MYOCD: variants seen among roughly 807,000 people sequenced by gnomAD.
MYOCD encodes the protein myocardin.
MYOCD carries 32 observed loss-of-function variants against 96.1 expected under a neutral mutation model. The observed-to-expected ratio is 0.33, with a 90% CI of 0.25 to 0.45. The LOEUF (loss-of-function observed/expected upper bound fraction) is 0.45. Ranked by LOEUF, MYOCD falls within the 20% of genes least tolerant of loss-of-function variation. The pLI, the probability that MYOCD is intolerant of heterozygous loss-of-function variation, is 1.00. For synonymous variants in MYOCD, 469 were observed against 469.0 expected (o/e 1.00, Z 0.00); for missense variants, 1,133 against 1,200.6 (o/e 0.94, Z 0.83).
rs1289877453 is a variant in MYOCD, at chr17:12,752,874, A to G, written c.1586A>G (p.Asn529Ser). The G allele has an allele frequency of 3.1e-6, 5 of 1,614,004 alleles. No homozygotes were observed. Among genetic ancestry groups the G allele is most frequent in the Non-Finnish European group, 4.2e-6 (5 of 1,180,020 alleles). Residue 529 changes from asparagine to serine, a missense_variant, in exon 10 of 14, where the codon AAT becomes AGT. Physicochemically the swap from Asn to Ser is conservative, Grantham distance 46. Transcript: ENST00000425538. ...CTGGTGGAGAAGCAGAAGGTGATCAATGAACTCACCTGGAAACTCCAGCAA... is the reference window on the plus strand; with the variant it reads ...CTGGTGGAGAAGCAGAAGGTGATCAGTGAACTCACCTGGAAACTCCAGCAA... ...KMLVEKQKVI[N>S]ELTWKLQQEQ... is the part of the protein sequence containing the mutation.
At position 12,752,542 on chromosome 17, in the gene MYOCD, A is replaced by T. The variant is rs779793318; in HGVS notation, c.1254A>T (p.Ile418=). 4.3e-6 allele frequency: 7 copies of T among 1,614,102 alleles called. No homozygotes were observed. The Admixed American group carries it at 1.0e-4, about 23-fold the overall frequency. ...ACCCAGTGCCGAACTTTGGGGATAT[A>T]ACGACTGTCACTTTTCCTGTCACAC... ...SGNPVPNFGD[I]TTVTFPVTPN... is the part of the protein sequence containing the mutation. Residue 418 remains isoleucine (I), a synonymous_variant, in exon 10 of 14, where the codon ATA becomes ATT. Transcript: ENST00000425538.
chr17:12,698,089 C>T (rs1022068253), intron 1 of MYOCD, among the ~76,000 whole-genome samples: 4 of 152,090 alleles, frequency 2.6e-5, no homozygotes, highest in African/African-American at 9.7e-5. Context: ...GAAAAGACCT[C>T]AAAGGCTAGC....
At position 12,739,283 on chromosome 17, in the gene MYOCD, G is replaced by T; in HGVS notation, c.672G>T (p.Gly224=). Residue 224 remains glycine, a synonymous_variant, in exon 7 of 14, where the codon GGG becomes GGT. Coordinates refer to ENST00000425538, the MANE Select transcript of MYOCD (RefSeq NM_001146312.3). ...PSHQSDAGKQ[G]LGPPSTPIAV... is the part of the protein sequence containing the mutation. Reference sequence around the variant, plus strand: ...ACCAGTCAGATGCGGGGAAGCAGGGGCTTGGCCCCCCCAGCACCCCCATAG... The same window carrying T: ...ACCAGTCAGATGCGGGGAAGCAGGGTCTTGGCCCCCCCAGCACCCCCATAG... 1 of 1,608,496 alleles carries T rather than the reference G, an allele frequency of 6.2e-7. No individual in the cohort carries two copies. Among genetic ancestry groups the T allele is most frequent in the Non-Finnish European group, 8.5e-7 (1 of 1,177,808 alleles).
chr17:12,680,295 T>C (rs1257500133), intron 1 of MYOCD, among the ~76,000 whole-genome samples: 2 of 152,232 alleles, frequency 1.3e-5, no homozygotes, highest in Non-Finnish European at 2.9e-5. Context: ...TTATTAGGGA[T>C]AAAGGGCTCT....
At chr17:12,751,679 C>T (rs1386848883) in intron 9 of MYOCD, among the ~76,000 whole-genome samples, 1 of 152,114 alleles carries the variant, frequency 6.6e-6, no homozygotes, top group Admixed American at 6.5e-5. Flanking sequence ...CCTCCATTTC[C>T]CAGAAGGGAA....
rs557098595 is a variant in MYOCD at position 12,768,240 on chromosome 17, G to C, written c.*4596G>C. On this transcript the variant is annotated 3_prime_UTR_variant, in exon 14 of 14. Coordinates refer to ENST00000425538, the MANE Select transcript of MYOCD (RefSeq NM_001146312.3). ...TCTGGTCAGTTGCGTTAAGGAGCTG[G>C]GTTTGATTCTAGAGTCCAGGTTTAT... 6.6e-6 allele frequency: 1 copy of C among 152,242 alleles called. No individual in the cohort carries two copies. Among genetic ancestry groups the C allele is most frequent in the South Asian group, 2.1e-4 (1 of 4,812 alleles). The allele number at this position is 152,242 out of a possible 1,614,324, so 9.4% of individuals were successfully genotyped here. A position where few individuals can be genotyped will look rare whatever the true frequency, so the allele number is the denominator to read the frequency against.
chr17:12,719,504 C>T (rs2031757323), intron 4 of MYOCD, among the ~76,000 whole-genome samples: 1 of 151,846 alleles, frequency 6.6e-6, no homozygotes, highest in Admixed American at 6.6e-5. Flanking sequence ...AGAGGATTGG[C>T]TGAATAAACT....
chr17:12,688,691 C>G (rs1046198734), intron 1 of MYOCD, among the ~76,000 whole-genome samples: 4 of 149,004 alleles, frequency 2.7e-5, no homozygotes, highest in African/African-American at 9.9e-5. Context: ...TCCTTCCTTC[C>G]TTCCTCCCTT....
chr17:12,713,221 T>A (rs2031534017), intron 2 of MYOCD, among the ~76,000 whole-genome samples: 1 of 152,210 alleles, frequency 6.6e-6, no homozygotes, highest in Admixed American at 6.5e-5. Context: ...GCTCCTGGCA[T>A]CAGAGAACTG....
At chr17:12,709,366 T>C (rs1167822813) in intron 2 of MYOCD, among the ~76,000 whole-genome samples, 1 of 152,206 alleles carries the variant, frequency 6.6e-6, no homozygotes, top group East Asian at 1.9e-4. Context: ...GTGTGGGCAT[T>C]ATGAGTTTAG....
chr17:12,736,578 T>C (rs956543273), intron 6 of MYOCD, among the ~76,000 whole-genome samples: 1 of 152,192 alleles, frequency 6.6e-6, no homozygotes, highest in South Asian at 2.1e-4. Flanking sequence ...AACTTATCCA[T>C]TAAGCATCTG....
Position 12,752,983 on chromosome 17 carries a change from C to T in MYOCD, c.1695C>T (p.Phe565=), listed in dbSNP as rs761036201. ...GTTCAGAGAAGAAGCCGCTGCCTTT[C>T]CTGGCTGCCTCCATCAAGCAGGAAG... ...NNCSEKKPLP[F]LAASIKQEEA... The change falls in exon 10 of 14, where the codon TTC becomes TTT. Residue 565 remains phenylalanine (F), a synonymous_variant. Coordinates refer to ENST00000425538, the MANE Select transcript of MYOCD (RefSeq NM_001146312.3). 24 of 1,614,178 alleles carry T rather than the reference C, an allele frequency of 1.5e-5. No homozygotes were observed. Among genetic ancestry groups the T allele is most frequent in the Middle Eastern group, 3.3e-4 (2 of 6,062 alleles).
chr17:12,722,906 G>T lies in MYOCD; in HGVS notation c.313G>T (p.Ala105Ser). 1 of 1,613,958 alleles carries T rather than the reference G, an allele frequency of 6.2e-7. No individual in the cohort carries two copies. Among genetic ancestry groups the T allele is most frequent in the Non-Finnish European group, 8.5e-7 (1 of 1,179,896 alleles). Residue 105 changes from alanine (A) to serine (S), a missense_variant, in exon 5 of 14, where the codon GCC becomes TCC. Coordinates refer to ENST00000425538, the MANE Select transcript of MYOCD (RefSeq NM_001146312.3). ...AQMKLKRARL[A>S]DDLNEKIALR... ...GATGAAGCTGAAAAGAGCCCGACTC[G>T]CCGATGATCTCAATGAAAAAATTGC...
chr17:12,685,284 C>T (rs549132646), intron 1 of MYOCD, among the ~76,000 whole-genome samples: 21 of 150,632 alleles, frequency 1.4e-4, no homozygotes, highest in African/African-American at 4.4e-4. Context: ...TGGGTGACAG[C>T]GTAAGACCCT....
At chr17:12,724,102 G>A (rs115848920) in intron 5 of MYOCD, among the ~76,000 whole-genome samples, 1,601 of 152,136 alleles carry the variant, frequency 0.011, 27 homozygotes, top group African/African-American at 0.037. Context: ...TGGGGCCTTT[G>A]AACTTGGCCT....
At chr17:12,697,359 ATTTT>A (rs71144918) in intron 1 of MYOCD, among the ~76,000 whole-genome samples, 8,523 of 74,808 alleles carry the variant, frequency 0.11, 322 homozygotes, top group African/African-American at 0.18. Flanking sequence ...ATATATATAT[ATTTT>A]TTTTTTTTTT....
chr17:12,670,221 GGT>G (rs1909619835), intron 1 of MYOCD, among the ~76,000 whole-genome samples: 1 of 152,178 alleles, frequency 6.6e-6, no homozygotes, highest in African/African-American at 2.4e-5. Context: ...GCTGAATTCA[GGT>G]AGTGGGACCC....
At chr17:12,706,774 T>C (rs985281438) in intron 2 of MYOCD, among the ~76,000 whole-genome samples, 1 of 152,200 alleles carries the variant, frequency 6.6e-6, no homozygotes, top group Non-Finnish European at 1.5e-5. Flanking sequence ...CAATGAAATA[T>C]AATATTTTGT....
chr17:12,690,109 A>C (rs1234299948), intron 1 of MYOCD, among the ~76,000 whole-genome samples: 2 of 152,188 alleles, frequency 1.3e-5, no homozygotes, highest in African/African-American at 2.4e-5. Context: ...GGAAATTCAC[A>C]ACATAGATGA....
Sources: gnomAD v4.1 joint callset for allele counts (sites outside exome capture counted in the v4.1 genomes callset) on GRCh38, gnomAD v4.1.1 for gene constraint, MANE v1.5 for transcripts, NCBI Gene and HGNC (gene_info 2026-07-23, HGNC 2026-07-21) for gene names.